Variants in NKAIN3 observed in about 807,000 individuals in gnomAD.
NKAIN3 encodes the protein sodium/potassium-transporting ATPase subunit beta-1-interacting protein 3.
In NKAIN3, 25 loss-of-function variants were observed where a neutral mutation model predicts 30.2. The ratio of observed to expected loss-of-function variants is 0.83; its 90% CI spans 0.60 to 1.16. The LOEUF (loss-of-function observed/expected upper bound fraction) is 1.16. Ranked by LOEUF, NKAIN3 falls within the 50% of genes most tolerant of loss-of-function variation. The pLI is 0.00. For synonymous variants in NKAIN3, 91 were observed against 89.6 expected, an observed-to-expected ratio of 1.02 and a Z score of -0.09; for missense variants, 225 against 254.1, an observed-to-expected ratio of 0.89 and a Z score of 0.78.
At chr8:62,328,878 C>G (rs1016704219) in intron 1 of NKAIN3, among the ~76,000 whole-genome samples, 2 of 152,108 alleles carry the variant, frequency 1.3e-5, no homozygotes, top group Non-Finnish European at 2.9e-5. Flanking sequence ...GCTACACACC[C>G]TTGGGCTACG....
intron 2 of NKAIN3, among the ~76,000 whole-genome samples, chr8:62,581,218 T>C (rs1810283754): frequency 6.7e-6 from 1 of 148,466 alleles, no homozygotes; most frequent in South Asian, 2.1e-4. Context: ...TAGAAGGGGG[T>C]TTCATGGAGT....
At chr8:62,945,982 T>G (rs1823112901) in intron 5 of NKAIN3, among the ~76,000 whole-genome samples, 1 of 152,186 alleles carries the variant, frequency 6.6e-6, no homozygotes, top group South Asian at 2.1e-4. Flanking sequence ...GTTGGTAAAC[T>G]CTGATATGGA....
chr8:62,257,352 A>T (rs1231391954), intron 1 of NKAIN3, among the ~76,000 whole-genome samples: 1 of 152,200 alleles, frequency 6.6e-6, no homozygotes, highest in African/African-American at 2.4e-5. Flanking sequence ...AGCTTCAGTT[A>T]CTTATTTCAC....
chr8:62,526,007 T>G (rs1808294574), intron 1 of NKAIN3, among the ~76,000 whole-genome samples: 1 of 152,164 alleles, frequency 6.6e-6, no homozygotes, highest in Non-Finnish European at 1.5e-5. Flanking sequence ...TTTTGGGTCA[T>G]ACCCAGGTTT....
At chr8:62,282,428 C>G (rs1218764671) in intron 1 of NKAIN3, among the ~76,000 whole-genome samples, 3 of 152,100 alleles carry the variant, frequency 2.0e-5, no homozygotes, top group Admixed American at 2.0e-4. Flanking sequence ...GGGAAGTAAC[C>G]TCACTTTATT....
chr8:62,684,127 C>A (rs148267270), intron 3 of NKAIN3, among the ~76,000 whole-genome samples: 1 of 152,092 alleles, frequency 6.6e-6, no homozygotes, highest in Non-Finnish European at 1.5e-5. Context: ...CAGACTCCAC[C>A]TTACATATTA....
intron 1 of NKAIN3, among the ~76,000 whole-genome samples, chr8:62,496,973 T>C (rs1464038546): frequency 1.3e-5 from 2 of 152,126 alleles, no homozygotes; most frequent in African/African-American, 4.8e-5. Context: ...GTGTGAGCTT[T>C]AGAGAATAAT....
At chr8:62,417,233 C>A (rs766291165) in intron 1 of NKAIN3, among the ~76,000 whole-genome samples, 1 of 152,060 alleles carries the variant, frequency 6.6e-6, no homozygotes, top group Non-Finnish European at 1.5e-5. Context: ...GTTTTTCTTT[C>A]TGTGCCTGGG....
At chr8:62,693,505 C>A (rs1393280394) in intron 3 of NKAIN3, among the ~76,000 whole-genome samples, 1 of 152,178 alleles carries the variant, frequency 6.6e-6, no homozygotes, top group African/African-American at 2.4e-5. Context: ...CATCTTGGCA[C>A]GATATGAATT....
At chr8:62,829,497 G>A (rs1026753161) in intron 4 of NKAIN3, among the ~76,000 whole-genome samples, 2 of 152,022 alleles carry the variant, frequency 1.3e-5, no homozygotes, top group Non-Finnish European at 2.9e-5. Context: ...CCCTGAAGTG[G>A]GCTTGTTCTA....
chr8:62,607,463 C>T (rs1343711943), intron 3 of NKAIN3, among the ~76,000 whole-genome samples: 1 of 152,054 alleles, frequency 6.6e-6, no homozygotes, highest in Non-Finnish European at 1.5e-5. Context: ...ACTTGGTGTT[C>T]ATGACAGTAT....
At chr8:62,604,847 A>G (rs756123396) in intron 3 of NKAIN3, among the ~76,000 whole-genome samples, 28 of 152,160 alleles carry the variant, frequency 1.8e-4, no homozygotes, top group African/African-American at 6.5e-4. Flanking sequence ...GTGTTCAACT[A>G]TATTCATCAA....
intron 1 of NKAIN3, among the ~76,000 whole-genome samples, chr8:62,309,663 G>A: frequency 6.7e-6 from 1 of 150,222 alleles, no homozygotes. Context: ...CATCTAGTGT[G>A]TGTTTCTATG....
chr8:62,708,509 T>G (rs1477320798), intron 3 of NKAIN3, among the ~76,000 whole-genome samples: 1 of 152,192 alleles, frequency 6.6e-6, no homozygotes, highest in African/African-American at 2.4e-5. Context: ...ACTTCTTGAT[T>G]TGAGTCTCCA....
chr8:62,800,991 C>T (rs56946009), intron 4 of NKAIN3, among the ~76,000 whole-genome samples: 29,352 of 152,052 alleles, frequency 0.19, 3,202 homozygotes, highest in East Asian at 0.29. Flanking sequence ...GAGGGTCCTA[C>T]ACCCACGGAG....
rs373206779 is a variant in NKAIN3 at position 62,277,437 on chromosome 8, T to C, written c.54+28310T>C. Among the ~76,000 whole-genome samples the C allele has an allele frequency of 1.3e-4, 20 of 152,278 alleles. No homozygotes were observed. In the South Asian group the frequency reaches 2.9e-3, roughly 22 times the overall value. On this transcript the variant is annotated intron_variant, in intron 1 of 6. Coordinates refer to ENST00000623646, the MANE Select transcript of NKAIN3 (RefSeq NM_001304533.3). ...GCTACTAATGACTGTCTCCCACTCC[T>C]AATCCCTCTGAATTGCCCGGTGTTG...
chr8:62,452,408 G>A (rs568418189), intron 1 of NKAIN3, among the ~76,000 whole-genome samples: 23 of 152,242 alleles, frequency 1.5e-4, no homozygotes, highest in Admixed American at 6.5e-4. Flanking sequence ...TCTGGGAGGC[G>A]GAGGATGCAG....
intron 1 of NKAIN3, among the ~76,000 whole-genome samples, chr8:62,341,775 T>C (rs949400179): frequency 1.3e-5 from 2 of 152,050 alleles, no homozygotes; most frequent in African/African-American, 4.8e-5. Flanking sequence ...GGCTTTCTTT[T>C]GACAACATGA....
At chr8:62,252,828 A>T (rs571762155) in intron 1 of NKAIN3, among the ~76,000 whole-genome samples, 91 of 152,364 alleles carry the variant, frequency 6.0e-4, no homozygotes, top group Non-Finnish European at 1.2e-3. Context: ...TAATTTATAC[A>T]TAAAAAGAAG....
Sources: gnomAD v4.1 joint callset for allele counts (sites outside exome capture counted in the v4.1 genomes callset) on GRCh38, gnomAD v4.1.1 for gene constraint, MANE v1.5 for transcripts, NCBI Gene and HGNC (gene_info 2026-07-23, HGNC 2026-07-21) for gene names.